NOX4: variants seen among roughly 807,000 people sequenced by gnomAD.
NOX4 encodes NADPH oxidase 4.
Under a neutral mutation model 87.6 loss-of-function variants are expected in NOX4, and 69 were observed. The observed-to-expected ratio is 0.79, with a 90% CI of 0.65 to 0.96. The LOEUF (loss-of-function observed/expected upper bound fraction) is 0.96, where lower values mean the gene tolerates loss of function less well. Among genes scored for constraint, NOX4 ranks in the 40% least tolerant of loss-of-function variants. The pLI, the probability that NOX4 is intolerant of heterozygous loss-of-function variation, is 0.00. For missense variants in NOX4, 680 were observed against 681.5 expected, an observed-to-expected ratio of 1.00 and a Z score of 0.02; for synonymous variants, 275 against 238.2, an observed-to-expected ratio of 1.15 and a Z score of -1.42.
the NOX4 span, among the ~76,000 whole-genome samples, chr11:89,521,349 C>T: frequency 6.6e-6 from 1 of 151,956 alleles, no homozygotes; most frequent in South Asian, 2.1e-4. Context: ...AACCACTGGA[C>T]CGGAATAGAG....
intron 2 of NOX4, among the ~76,000 whole-genome samples, chr11:89,470,088 T>C (rs1945863657): frequency 1.3e-5 from 2 of 151,556 alleles, no homozygotes; most frequent in Non-Finnish European, 2.9e-5. Context: ...ATAATAATAA[T>C]AATAATAATA....
chr11:89,492,958 G>T (rs1245305613), upstream of NOX4, among the ~76,000 whole-genome samples: 1 of 152,122 alleles, frequency 6.6e-6, no homozygotes, highest in East Asian at 1.9e-4. Context: ...AAGACAAAAG[G>T]TTTAAAAAAT....
chr11:89,350,450 G>GAAAC lies in NOX4; in HGVS notation c.1217+4508_1217+4511dup, dbSNP rs1355908983. On this transcript the variant is annotated intron_variant, in intron 13 of 17. Coordinates refer to ENST00000263317, the MANE Select transcript of NOX4 (RefSeq NM_016931.5). ...ATAGGGACACTATGTTGACTAAATA[G>GAAAC]AAACCCAAGTCCAAATCCAAACTAC... Among the ~76,000 whole-genome samples, 5 of 152,170 alleles carry GAAAC rather than the reference G, an allele frequency of 3.3e-5. No homozygotes were observed. In the East Asian group the frequency reaches 5.8e-4, roughly 18 times the overall value.
chr11:89,564,274 G>T, the NOX4 span, among the ~76,000 whole-genome samples: 1 of 152,172 alleles, frequency 6.6e-6, no homozygotes, highest in African/African-American at 2.4e-5. Flanking sequence ...AAGGAGCGTG[G>T]CTGGGGAGGC....
chr11:89,352,820 T>G (rs1937663726), intron 13 of NOX4, among the ~76,000 whole-genome samples: 1 of 152,204 alleles, frequency 6.6e-6, no homozygotes, highest in Admixed American at 6.5e-5. Context: ...TGTCATTTTT[T>G]GTTTTGTTTT....
intron 8 of NOX4, among the ~76,000 whole-genome samples, chr11:89,409,061 G>A (rs955838615): frequency 4.0e-5 from 6 of 151,716 alleles, no homozygotes; most frequent in African/African-American, 1.5e-4. Flanking sequence ...TGTACTTCAC[G>A]GGTATAAAAA....
chr11:89,392,534 C>T (rs1373947659), intron 11 of NOX4, among the ~76,000 whole-genome samples: 2 of 152,084 alleles, frequency 1.3e-5, no homozygotes, highest in South Asian at 2.1e-4. Flanking sequence ...TTCCACACTT[C>T]GAGATTCCAC....
chr11:89,479,612 A>G (rs1164366854), intron 2 of NOX4, among the ~76,000 whole-genome samples: 1 of 152,178 alleles, frequency 6.6e-6, no homozygotes, highest in Non-Finnish European at 1.5e-5. Context: ...CAATCCTTTC[A>G]TGGGTTCCCA....
At chr11:89,378,214 T>G (rs10830264) in intron 11 of NOX4, among the ~76,000 whole-genome samples, 14,174 of 152,180 alleles carry the variant, frequency 0.093, 800 homozygotes, top group South Asian at 0.18. Flanking sequence ...TTATATTCCA[T>G]GTTTCTCCTT....
chr11:89,411,351 G>C (rs1942468298), intron 8 of NOX4, among the ~76,000 whole-genome samples: 1 of 152,128 alleles, frequency 6.6e-6, no homozygotes, highest in Non-Finnish European at 1.5e-5. Flanking sequence ...AAAGGAAAGG[G>C]AAGAGTGAAT....
At chr11:89,449,244 C>CAATGTA (rs1944840515) in intron 4 of NOX4, among the ~76,000 whole-genome samples, 196 bp downstream of exon 4, 1 of 152,138 alleles carries the variant, frequency 6.6e-6, no homozygotes, top group Non-Finnish European at 1.5e-5. Context: ...AACCACACGA[C>CAATGTA]AATCTTACAT....
intron 13 of NOX4, among the ~76,000 whole-genome samples, chr11:89,344,543 C>T (rs1276666981): frequency 6.6e-6 from 1 of 152,144 alleles, no homozygotes; most frequent in African/African-American, 2.4e-5. Context: ...GAGTAAAACT[C>T]AGTGTCCAAA....
intron 11 of NOX4, among the ~76,000 whole-genome samples, chr11:89,373,971 C>T (rs1939650943): frequency 6.6e-6 from 1 of 151,852 alleles, no homozygotes; most frequent in Non-Finnish European, 1.5e-5. Flanking sequence ...ACAGAAATAA[C>T]TCTATTTCAT....
the NOX4 span, among the ~76,000 whole-genome samples, chr11:89,524,690 A>AT: frequency 1.1e-4 from 17 of 152,064 alleles, no homozygotes; most frequent in Non-Finnish European, 1.9e-4. Flanking sequence ...AAAAAGTATT[A>AT]TTTTTTAATT....
rs1327232871 is a variant in NOX4 at position 89,324,728 on chromosome 11, G to C, written c.*2028C>G. 6.6e-6 allele frequency: 1 copy of C among 152,112 alleles called. No individual in the cohort carries two copies. The highest frequency in any genetic ancestry group is 1.5e-5 in the Non-Finnish European group (1 of 68,018). The allele number at this position is 152,112 out of a possible 1,614,324, so 9.4% of individuals were successfully genotyped here. A position where few individuals can be genotyped will look rare whatever the true frequency, so the allele number is the denominator to read the frequency against. On this transcript the variant is annotated 3_prime_UTR_variant, in exon 18 of 18. Transcript: ENST00000263317. ...AAGTGTCTTTTTACTAGTTCTTTCTGTTAAATGTTTCCATGAAAATTCTTT... is the reference window on the plus strand; with the variant it reads ...AAGTGTCTTTTTACTAGTTCTTTCTCTTAAATGTTTCCATGAAAATTCTTT...
At position 89,325,587 on chromosome 11, in the gene NOX4, A is replaced by G. The variant is rs1945189786; in HGVS notation, c.*1169T>C. 3 of 152,172 alleles carry G rather than the reference A, an allele frequency of 2.0e-5. No homozygotes were observed. The highest frequency in any genetic ancestry group is 4.4e-5 in the Non-Finnish European group (3 of 68,030). 9.4% of individuals were successfully genotyped at this position (152,172 alleles called of 1,614,324 possible). A position where few individuals can be genotyped will look rare whatever the true frequency, so the allele number is the denominator to read the frequency against. ...GTGCGACAGTAATATTCTGGATTCTAAACTTAAGTTTGAATAAGAATATCA... is the reference window on the plus strand; with the variant it reads ...GTGCGACAGTAATATTCTGGATTCTGAACTTAAGTTTGAATAAGAATATCA... On this transcript the variant is annotated 3_prime_UTR_variant, in exon 18 of 18. Coordinates refer to ENST00000263317, the MANE Select transcript of NOX4 (RefSeq NM_016931.5).
intron 2 of NOX4, among the ~76,000 whole-genome samples, chr11:89,476,361 T>C (rs1946168462): frequency 1.3e-5 from 2 of 152,246 alleles, no homozygotes; most frequent in East Asian, 1.9e-4. Flanking sequence ...AAGAAAGATA[T>C]ATAGAAGTTA....
At chr11:89,451,967 GA>G in intron 2 of NOX4, 72 bp from the exon 3 acceptor site, 1 of 976,968 alleles carries the variant, frequency 1.0e-6, no homozygotes, top group Non-Finnish European at 1.6e-6. Context: ...CTAGAAGCTA[GA>G]GGTCTCACCC....
the NOX4 span, among the ~76,000 whole-genome samples, chr11:89,539,323 T>C: frequency 3.3e-5 from 5 of 151,936 alleles, no homozygotes; most frequent in Admixed American, 6.6e-5. Flanking sequence ...TCCCAGCTAC[T>C]TGGGAGGCTG....
Sources: allele counts gnomAD v4.1 joint callset (sites outside exome capture counted in the v4.1 genomes callset), GRCh38; gene constraint gnomAD v4.1.1; transcripts MANE v1.5; gene names NCBI Gene and HGNC (gene_info 2026-07-23, HGNC 2026-07-21).